Variants in ZNF585B observed in about 807,000 individuals in gnomAD.
The protein encoded by ZNF585B is zinc finger protein 585B.
Under a neutral mutation model 14.0 loss-of-function variants are expected in ZNF585B, and 7 were observed. That is an observed-to-expected ratio of 0.50 (90% CI 0.28 to 0.94). The LOEUF (loss-of-function observed/expected upper bound fraction) is 0.94. Ranked by LOEUF, ZNF585B falls within the 40% of genes least tolerant of loss-of-function variation. The pLI is 0.09. For missense variants in ZNF585B, 750 were observed against 924.4 expected, an observed-to-expected ratio of 0.81 and a Z score of 2.45; for synonymous variants, 290 against 317.3, an observed-to-expected ratio of 0.91 and a Z score of 0.91.
chr19:37,195,216 C>T (rs1268282946), intron 2 of ZNF585B, among the ~76,000 whole-genome samples: 6 of 151,308 alleles, frequency 4.0e-5, no homozygotes, highest in Non-Finnish European at 5.9e-5. Context: ...CGTGGTGGCA[C>T]GCACCTGTAG....
chr19:37,198,232 C>T (rs138039112), intron 2 of ZNF585B, among the ~76,000 whole-genome samples: 2,460 of 152,060 alleles, frequency 0.016, 71 homozygotes, highest in African/African-American at 0.056. Flanking sequence ...AGTGTAATGG[C>T]GTGATCTTGG....
chr19:37,187,044 T>C lies in ZNF585B; in HGVS notation c.493A>G (p.Arg165Gly), dbSNP rs374024873. ...AATTCTGGCTTCTGTACAAAAGCCC[T>C]CCCACATTCAATACATACATAGAGT... Reference protein sequence around the residue: ...EKLYVCIECGRAFVQKPEFIT... With the variant: ...EKLYVCIECGGAFVQKPEFIT... Residue 165 changes from arginine (R) to glycine (G), a missense_variant, in exon 5 of 5, where the codon AGG becomes GGG. By Grantham distance (125) the Arg-to-Gly change is moderately radical (BLOSUM62 -2). Coordinates refer to ENST00000532828, the MANE Select transcript of ZNF585B (RefSeq NM_152279.4). The C allele has an allele frequency of 1.4e-5, 22 of 1,613,122 alleles. No homozygotes were observed. The highest frequency in any genetic ancestry group is 3.3e-5 in the Admixed American group (2 of 59,802).
intron 2 of ZNF585B, among the ~76,000 whole-genome samples, chr19:37,195,689 T>C (rs1000622238): frequency 3.4e-5 from 5 of 147,934 alleles, no homozygotes; most frequent in African/African-American, 1.3e-4. Flanking sequence ...AAAAGAAATT[T>C]CTAGGCCTAG....
chr19:37,198,866 A>G, intron 2 of ZNF585B: 1 of 813,606 alleles, frequency 1.2e-6, no homozygotes, highest in Non-Finnish European at 1.8e-6. Context: ...GAGCATGCAG[A>G]TGGAAGTGGA....
chr19:37,186,982 G>C lies in ZNF585B; in HGVS notation c.555C>G (p.Pro185=), dbSNP rs184704019. ...ATTTTCCACATTCATTGCACTTATA[G>C]GGCTTCTCTCTCATATGGGTTTTCT... ...THQKTHMREK[P]YKCNECGKSF... Residue 185 remains proline, a synonymous_variant, in exon 5 of 5, where the codon CCC becomes CCG. Coordinates refer to ENST00000532828, the MANE Select transcript of ZNF585B (RefSeq NM_152279.4). The C allele has an allele frequency of 3.7e-5, 59 of 1,613,846 alleles. No homozygotes were observed. The Admixed American group carries it at 9.8e-4, about 27-fold the overall frequency.
intron 2 of ZNF585B, among the ~76,000 whole-genome samples, chr19:37,206,259 C>G (rs1006098364): frequency 2.0e-5 from 3 of 151,842 alleles, no homozygotes; most frequent in African/African-American, 7.3e-5. Context: ...CGAGATCAGC[C>G]TGATCAACAC....
At chr19:37,199,348 G>A in intron 2 of ZNF585B, 1 of 354,586 alleles carries the variant, frequency 2.8e-6, no homozygotes, top group South Asian at 2.2e-5. Context: ...GTAACATGGT[G>A]AAACTGTCTC....
At chr19:37,203,569 A>C (rs1352952338) in intron 2 of ZNF585B, among the ~76,000 whole-genome samples, 1 of 151,286 alleles carries the variant, frequency 6.6e-6, no homozygotes, top group Non-Finnish European at 1.5e-5. Context: ...AATTATTTTT[A>C]AGTGTCCAGT....
rs759366209 is a variant in ZNF585B at position 37,187,067 on chromosome 19, A to T, written c.470T>A (p.Leu157His). The T allele has an allele frequency of 6.2e-7, 1 of 1,613,666 alleles. No homozygotes were observed. The change falls in exon 5 of 5, where the codon CTC (leucine) becomes CAC (histidine). Residue 157 changes from leucine (L) to histidine (H), a missense_variant. Leu to His is a moderately conservative substitution (Grantham distance 99). Around this residue, in one of 2 missense-constraint regions of ZNF585B, gnomAD observed 517 missense variants for 570.3 expected, o/e 0.91. Transcript: ENST00000532828. ...VHLKVPTGEK[L>H]YVCIECGRAF... ...CCTCCCACATTCAATACATACATAG[A>T]GTTTTTCTCCTGTAGGAACTTTCAG...
intron 2 of ZNF585B, among the ~76,000 whole-genome samples, chr19:37,193,651 G>T (rs1398223562): frequency 6.6e-6 from 1 of 151,986 alleles, no homozygotes; most frequent in African/African-American, 2.4e-5. Context: ...CTGGTGGCAG[G>T]CACCTGTAGT....
At position 37,184,480 on chromosome 19, in the gene ZNF585B, G is replaced by GAA. The variant is rs1241501977; in HGVS notation, c.*745_*746dup. 8.6e-6 allele frequency: 1 copy of GAA among 116,248 alleles called. No individual in the cohort carries two copies. The highest frequency in any genetic ancestry group is 9.3e-5 in the Admixed American group (1 of 10,788). 7.2% of individuals were successfully genotyped at this position (116,248 alleles called of 1,614,324 possible). A position where few individuals can be genotyped will look rare whatever the true frequency, so the allele number is the denominator to read the frequency against. ...AGAAAGAAAGAAAGAAAGAAAGAAA[G>GAA]AAAGAAAGAAAGAAAGAAAGAAAGA... On this transcript the variant is annotated 3_prime_UTR_variant, in exon 5 of 5. Transcript: ENST00000532828.
rs1423920593 is a variant in ZNF585B, at chr19:37,184,380, G to T, written c.*847C>A. Reference sequence around the variant, plus strand: ...AAAAAGAAAGAAAGAAAGAAAGAAAGAAAGAAAGAAAGAAAGAAAGAAAGA... The same window carrying T: ...AAAAAGAAAGAAAGAAAGAAAGAAATAAAGAAAGAAAGAAAGAAAGAAAGA... On this transcript the variant is annotated 3_prime_UTR_variant, in exon 5 of 5. Transcript: ENST00000532828. 3.7e-5 allele frequency: 2 copies of T among 54,320 alleles called. No homozygotes were observed. Among genetic ancestry groups the T allele is most frequent in the African/African-American group, 8.4e-5 (1 of 11,952 alleles). The allele number at this position is 54,320 out of a possible 1,614,324, so 3.4% of individuals were successfully genotyped here. A position where few individuals can be genotyped will look rare whatever the true frequency, so the allele number is the denominator to read the frequency against.
chr19:37,183,731 G>A lies in ZNF585B; in HGVS notation c.*1496C>T, dbSNP rs902953875. ...GCACATGGCGGGGAAGGTCCTTGTG[G>A]GGTGCGTGGGACGAAGATGGACACA... On this transcript the variant is annotated 3_prime_UTR_variant, in exon 5 of 5. Transcript: ENST00000532828. 2.0e-5 allele frequency: 3 copies of A among 152,286 alleles called. No homozygotes were observed. Among genetic ancestry groups the A allele is most frequent in the Admixed American group, 1.3e-4 (2 of 15,270 alleles). The allele number at this position is 152,286 out of a possible 1,614,324, so 9.4% of individuals were successfully genotyped here. A position where few individuals can be genotyped will look rare whatever the true frequency, so the allele number is the denominator to read the frequency against.
At chr19:37,204,496 TG>T (rs574750037) in intron 2 of ZNF585B, among the ~76,000 whole-genome samples, 150 of 152,356 alleles carry the variant, frequency 9.8e-4, no homozygotes, top group Non-Finnish European at 1.6e-3. Flanking sequence ...TCGTTATATT[TG>T]AGCATAGACA....
At chr19:37,202,521 G>A (rs1273048915) in intron 2 of ZNF585B, among the ~76,000 whole-genome samples, 1 of 151,876 alleles carries the variant, frequency 6.6e-6, no homozygotes, top group African/African-American at 2.4e-5. Context: ...CTGCGTTGGG[G>A]GTGTTGAATC....
Position 37,186,376 on chromosome 19 carries a change from A to G in ZNF585B, c.1161T>C (p.Cys387=), listed in dbSNP as rs746954443. 4.3e-6 allele frequency: 7 copies of G among 1,614,040 alleles called. No individual in the cohort carries two copies. The Admixed American group carries it at 6.7e-5, about 15-fold the overall frequency. ...TGEKPYECSD[C]GRAFTQKSAL... ...CTGACTTCTGAGTGAAGGCTCTCCC[A>G]CAGTCACTGCATTCATAAGGTTTCT... Residue 387 remains cysteine (C), a synonymous_variant, in exon 5 of 5, where the codon TGT becomes TGC. Coordinates refer to ENST00000532828, the MANE Select transcript of ZNF585B (RefSeq NM_152279.4).
At chr19:37,197,817 C>A (rs1026325751) in intron 2 of ZNF585B, among the ~76,000 whole-genome samples, 1 of 152,030 alleles carries the variant, frequency 6.6e-6, no homozygotes, top group African/African-American at 2.4e-5. Context: ...TTTTTAATGG[C>A]AAAACCGCAA....
At chr19:37,197,498 T>C (rs1441816134) in intron 2 of ZNF585B, among the ~76,000 whole-genome samples, 18 of 152,182 alleles carry the variant, frequency 1.2e-4, no homozygotes, top group African/African-American at 3.9e-4. Context: ...ATATACCCAG[T>C]AACGGGATTG....
chr19:37,198,983 T>C (rs1215390605), intron 2 of ZNF585B: 1 of 1,529,030 alleles, frequency 6.5e-7, no homozygotes, highest in Admixed American at 2.0e-5. Flanking sequence ...TTACAGTTTG[T>C]CTCTTGTGAT....
Sources: gnomAD v4.1 joint callset for allele counts (sites outside exome capture counted in the v4.1 genomes callset) on GRCh38, gnomAD v4.1.1 for gene constraint, gnomAD v4.1.1 regional missense constraint, MANE v1.5 for transcripts, NCBI Gene and HGNC (gene_info 2026-07-23, HGNC 2026-07-21) for gene names.